The following PRKCQ variants were observed in gnomAD, a reference collection of about 807,000 sequenced individuals.
PRKCQ encodes the protein protein kinase C theta.
Under a neutral mutation model 91.2 loss-of-function variants are expected in PRKCQ, and 41 were observed. That is an observed-to-expected ratio of 0.45 (90% CI 0.35 to 0.58). The LOEUF (loss-of-function observed/expected upper bound fraction) is 0.58, where lower values mean the gene tolerates loss of function less well. PRKCQ is among the 20% of genes least tolerant of loss of function. The probability of loss-of-function intolerance (pLI) is 0.00; values close to 1 mark genes in which losing one functional copy is unlikely to be tolerated. For missense variants in PRKCQ, 673 were observed against 896.5 expected, an observed-to-expected ratio of 0.75 and a Z score of 3.18; for synonymous variants, 307 against 316.9, an observed-to-expected ratio of 0.97 and a Z score of 0.33.
At chr10:6,522,783 A>G (rs1839064985) in intron 1 of PRKCQ, among the ~76,000 whole-genome samples, 1 of 152,226 alleles carries the variant, frequency 6.6e-6, no homozygotes. Context: ...CACATGTGGA[A>G]GAAAGAACAC....
chr10:6,441,859 G>A (rs537408287), intron 16 of PRKCQ, 34 bp downstream of exon 16: 66 of 1,562,474 alleles, frequency 4.2e-5, no homozygotes, highest in Non-Finnish European at 5.0e-5. Flanking sequence ...CCTAATGCTC[G>A]TCTTATGAAG....
intron 8 of PRKCQ, among the ~76,000 whole-genome samples, chr10:6,490,042 C>T (rs41367851): frequency 0.061 from 9,226 of 152,116 alleles, 403 homozygotes; most frequent in East Asian, 0.088. Flanking sequence ...TGCCGGGACA[C>T]TACGTTTTGT....
chr10:6,489,378 C>CT, intron 8 of PRKCQ: 1 of 522,352 alleles, frequency 1.9e-6, no homozygotes, highest in South Asian at 1.4e-5. Context: ...CGAGAAGGTC[C>CT]TAAGTCTTTG....
chr10:6,533,285 T>C (rs1382620788), intron 1 of PRKCQ, among the ~76,000 whole-genome samples: 1 of 152,072 alleles, frequency 6.6e-6, no homozygotes, highest in Admixed American at 6.6e-5. Context: ...GCAACCACCA[T>C]CTCCCGAGTT....
chr10:6,500,782 T>C (rs1837863454), intron 4 of PRKCQ, among the ~76,000 whole-genome samples: 1 of 152,168 alleles, frequency 6.6e-6, no homozygotes, highest in African/African-American at 2.4e-5. Context: ...TCAATCAAAT[T>C]ACAAGTTTCC....
Position 6,428,616 on chromosome 10 carries a change from G to A in PRKCQ, c.1966-254C>T, listed in dbSNP as rs12246604. Among the ~76,000 whole-genome samples, 1,348 of 152,040 alleles carry A rather than the reference G, an allele frequency of 8.9e-3. 12 individuals carry two copies. The highest frequency in any genetic ancestry group is 0.031 in the African/African-American group (1,273 of 41,422). Reference sequence around the variant, plus strand: ...GACTACGACTGTAGACATTCAAATGGGATCTAATGTTTCTAATGGTTTACA... The same window carrying A: ...GACTACGACTGTAGACATTCAAATGAGATCTAATGTTTCTAATGGTTTACA... On this transcript the variant is annotated intron_variant, in intron 17 of 17. Transcript: ENST00000263125.
intron 12 of PRKCQ, among the ~76,000 whole-genome samples, 189 bp from the exon 13 acceptor site, chr10:6,464,593 A>G (rs997862394): frequency 4.6e-5 from 7 of 152,138 alleles, no homozygotes; most frequent in East Asian, 1.9e-4. Flanking sequence ...GACTACAGGC[A>G]TGCACCACCA....
chr10:6,446,951 T>C (rs556311736), intron 15 of PRKCQ, among the ~76,000 whole-genome samples: 6 of 152,316 alleles, frequency 3.9e-5, no homozygotes, highest in African/African-American at 1.4e-4. Flanking sequence ...GGCGGGGCTC[T>C]GCCACCATGA....
intron 1 of PRKCQ, among the ~76,000 whole-genome samples, chr10:6,533,697 G>A (rs1407978394): frequency 2.0e-5 from 3 of 152,124 alleles, no homozygotes; most frequent in Admixed American, 6.5e-5. Context: ...ACAGGTTACC[G>A]GAACAAAACA....
intron 5 of PRKCQ, 51 bp downstream of exon 5, chr10:6,498,345 G>T (rs374415946): frequency 6.3e-7 from 1 of 1,589,734 alleles, no homozygotes; most frequent in South Asian, 1.1e-5. Flanking sequence ...TTAAGAAGAC[G>T]CAACAAAATG....
chr10:6,552,072 T>A (rs1840207131), intron 1 of PRKCQ, among the ~76,000 whole-genome samples: 2 of 152,234 alleles, frequency 1.3e-5, no homozygotes, highest in South Asian at 4.1e-4. Context: ...TAATGATCAC[T>A]GATAGTGAAC....
At chr10:6,559,527 T>C (rs1235935486) in intron 1 of PRKCQ, among the ~76,000 whole-genome samples, 1 of 152,006 alleles carries the variant, frequency 6.6e-6, no homozygotes, top group Admixed American at 6.5e-5. Context: ...CCCAGCTAAT[T>C]TTTATATTTT....
At chr10:6,437,124 G>A (rs1319751743) in intron 16 of PRKCQ, among the ~76,000 whole-genome samples, 1 of 152,188 alleles carries the variant, frequency 6.6e-6, no homozygotes, top group East Asian at 1.9e-4. Flanking sequence ...TTTTTCCAGT[G>A]GGTTTTGCTG....
chr10:6,422,470 C>T (rs1478356597), downstream of PRKCQ, among the ~76,000 whole-genome samples: 2 of 152,120 alleles, frequency 1.3e-5, no homozygotes, highest in Non-Finnish European at 2.9e-5. Context: ...GATAGAGGGA[C>T]AAGCTTTGTC....
intron 3 of PRKCQ, 126 bp from the exon 4 acceptor site, chr10:6,507,622 T>C: frequency 1.2e-6 from 1 of 841,364 alleles, no homozygotes; most frequent in South Asian, 1.4e-5. Flanking sequence ...TACTCTCCAC[T>C]GTACTCAAAC....
intron 13 of PRKCQ, among the ~76,000 whole-genome samples, chr10:6,463,588 A>T (rs2132330961): frequency 6.6e-6 from 1 of 152,282 alleles, no homozygotes; most frequent in Non-Finnish European, 1.5e-5. Context: ...GGCGGACCAA[A>T]TCCATTTCTC....
At chr10:6,434,122 G>C (rs949081426) in intron 16 of PRKCQ, among the ~76,000 whole-genome samples, 3 of 151,590 alleles carry the variant, frequency 2.0e-5, no homozygotes, top group African/African-American at 7.3e-5. Context: ...ATAAATGATT[G>C]GTCTCTGCTT....
chr10:6,441,526 A>C (rs927516999), intron 16 of PRKCQ, among the ~76,000 whole-genome samples: 16 of 151,390 alleles, frequency 1.1e-4, no homozygotes, highest in Admixed American at 2.6e-4. Context: ...CTGACCTCAC[A>C]CTTCCAACTT....
At chr10:6,493,015 G>A (rs553664166) in intron 7 of PRKCQ, among the ~76,000 whole-genome samples, 11 of 152,152 alleles carry the variant, frequency 7.2e-5, no homozygotes, top group South Asian at 2.1e-4. Flanking sequence ...AATAATTTTC[G>A]GGACTCACTT....
Sources: gnomAD v4.1 joint callset for allele counts (sites outside exome capture counted in the v4.1 genomes callset) on GRCh38, gnomAD v4.1.1 for gene constraint, MANE v1.5 for transcripts, NCBI Gene and HGNC (gene_info 2026-07-23, HGNC 2026-07-21) for gene names.